Variants in CARS1 observed in about 807,000 individuals in gnomAD.
CARS1 encodes cysteine--tRNA ligase, cytoplasmic.
CARS1 carries 48 observed loss-of-function variants against 106.2 expected under a neutral mutation model. That is an observed-to-expected ratio of 0.45 (90% CI 0.36 to 0.57). The LOEUF (loss-of-function observed/expected upper bound fraction) is 0.57, where lower values mean the gene tolerates loss of function less well. CARS1 is among the 20% of genes least tolerant of loss of function. CARS1 has a pLI of 0.00. For missense variants in CARS1, 968 were observed against 1,057.2 expected (o/e 0.92, Z 1.17); for synonymous variants, 409 against 403.4 (o/e 1.01, Z -0.17).
intron 1 of CARS1, among the ~76,000 whole-genome samples, chr11:3,051,889 A>G (rs1855728301): frequency 6.6e-6 from 1 of 152,226 alleles, no homozygotes; most frequent in Non-Finnish European, 1.5e-5. Flanking sequence ...GCACCCTGAG[A>G]AACAGTGACA....
chr11:3,036,311 C>G (rs1410406842), intron 7 of CARS1, among the ~76,000 whole-genome samples: 2 of 152,214 alleles, frequency 1.3e-5, no homozygotes, highest in Non-Finnish European at 2.9e-5. Context: ...GTGTTGGGAA[C>G]CCCCGACAGT....
At chr11:3,007,199 G>T in intron 18 of CARS1, 1 of 572,074 alleles carries the variant, frequency 1.7e-6, no homozygotes, top group East Asian at 2.9e-5. Flanking sequence ...GTAAGCCCAG[G>T]GGCTGTTCTG....
At chr11:3,005,994 C>G (rs1849824288) in intron 19 of CARS1, among the ~76,000 whole-genome samples, 1 of 152,074 alleles carries the variant, frequency 6.6e-6, no homozygotes, top group Non-Finnish European at 1.5e-5. Context: ...TTTAAAATTA[C>G]CAGGGGCAGA....
At chr11:3,007,035 G>A (rs193197464) in intron 18 of CARS1, 76 bp from the exon 19 acceptor site, 3 of 1,199,290 alleles carry the variant, frequency 2.5e-6, no homozygotes, top group Non-Finnish European at 3.7e-6. Context: ...CTCCAGTGCT[G>A]GGGAAGGAGG....
At position 3,004,966 on chromosome 11, in the gene CARS1, G is replaced by C. The variant is rs942217632; in HGVS notation, c.2217+400C>G. ...ACTAAAAAAATACAAAAATTAGCTG[G>C]GCACAGTGGTGCGTGCCTGTAGTCC... On this transcript the variant is annotated intron_variant, in intron 20 of 22. Transcript: ENST00000380525. The surrounding 1 kb of genome is among the most constrained non-coding windows in gnomAD (Gnocchi z 5.2). Among the ~76,000 whole-genome samples, 3 of 152,004 alleles carry C rather than the reference G, an allele frequency of 2.0e-5. No homozygotes were observed. Among genetic ancestry groups the C allele is most frequent in the Non-Finnish European group, 4.4e-5 (3 of 67,998 alleles).
At chr11:3,056,542 G>C (rs1856217885) in intron 1 of CARS1, among the ~76,000 whole-genome samples, 1 of 152,140 alleles carries the variant, frequency 6.6e-6, no homozygotes, top group Non-Finnish European at 1.5e-5. Context: ...ATAAAATGGG[G>C]CAGTAATGCT....
intron 13 of CARS1, 35 bp from the exon 14 acceptor site, chr11:3,018,546 T>A: frequency 1.9e-6 from 3 of 1,612,960 alleles, no homozygotes; most frequent in Non-Finnish European, 2.5e-6. Context: ...ACGCCCTTAT[T>A]CTCCCGAGTG....
intron 1 of CARS1, among the ~76,000 whole-genome samples, chr11:3,049,760 CCT>C (rs1855469828): frequency 6.6e-6 from 1 of 152,230 alleles, no homozygotes; most frequent in Non-Finnish European, 1.5e-5. Flanking sequence ...TCACAGTCCC[CCT>C]CTCTGCCTTC....
intron 17 of CARS1, among the ~76,000 whole-genome samples, chr11:3,014,734 G>A (rs1037796916): frequency 7.9e-5 from 12 of 152,178 alleles, no homozygotes; most frequent in Non-Finnish European, 1.5e-4. Context: ...GCTAGCTAGC[G>A]CTAAGGCTGG....
chr11:3,019,261 G>A lies in CARS1; in HGVS notation c.1273C>T (p.Pro425Ser). Residue 425 changes from proline to serine, a missense_variant, in exon 12 of 23, where the codon CCG becomes TCG. Pro to Ser is a moderately conservative substitution (Grantham distance 74, BLOSUM62 -1). Coordinates refer to ENST00000380525, the MANE Select transcript of CARS1 (RefSeq NM_001014437.3). This position sits in a 1 kb window ranked among gnomAD's most constrained non-coding sequence, Gnocchi z 6.2. Reference sequence around the variant, plus strand: ...GCCGAGCACTCGATATGCCAGCCCGGACGACCCTGGAGAAAGCCGAACACA... The same window carrying A: ...GCCGAGCACTCGATATGCCAGCCCGAACGACCCTGGAGAAAGCCGAACACA... ...SWPCPWGKGR[P>S]GWHIECSAMA... 1 of 1,434,978 alleles carries A rather than the reference G, an allele frequency of 7.0e-7. No homozygotes were observed. The highest frequency in any genetic ancestry group is 2.6e-5 in the East Asian group (1 of 38,492). 88.9% of individuals were successfully genotyped at this position (1,434,978 alleles called of 1,614,324 possible).
chr11:3,040,020 T>C lies in CARS1; in HGVS notation c.456-89A>G. 3.0e-6 allele frequency: 2 copies of C among 660,746 alleles called. No homozygotes were observed. The highest frequency in any genetic ancestry group is 5.2e-6 in the Non-Finnish European group (2 of 385,962). The allele number at this position is 660,746 out of a possible 1,614,324, so 40.9% of individuals were successfully genotyped here. On this transcript the variant is annotated intron_variant, in intron 4 of 22. Coordinates refer to ENST00000380525, the MANE Select transcript of CARS1 (RefSeq NM_001014437.3). This position sits in a 1 kb window ranked among gnomAD's most constrained non-coding sequence, Gnocchi z 5.8. The stretch of plus-strand genomic sequence containing the variant: ...CACGTGTTTGAACTGCATGAGTGCA[T>C]TTATATATGATTTTCTCTGCCATCC...
chr11:3,027,597 T>G (rs370062941), intron 9 of CARS1: 28 of 185,362 alleles, frequency 1.5e-4, no homozygotes, highest in African/African-American at 5.7e-4. Flanking sequence ...TTGTAGCAAT[T>G]ACTCTTTATT....
Position 3,051,977 on chromosome 11 carries a change from C to G in CARS1, c.26-3976G>C, listed in dbSNP as rs1855738102. ...CTCAGAATGGATTCTGATGGAGAGA[C>G]CACCAGCAACAGCCCGAACACTGAC... On this transcript the variant is annotated intron_variant, in intron 1 of 22. Coordinates refer to ENST00000380525, the MANE Select transcript of CARS1 (RefSeq NM_001014437.3). 2.6e-5 allele frequency among the ~76,000 whole-genome samples: 4 copies of G among 152,238 alleles called. No homozygotes were observed. The South Asian group carries it at 6.2e-4, about 24-fold the overall frequency.
In CARS1 at chr11:3,004,155, G is replaced by C. The variant is rs1849642437; in HGVS notation, c.2217+1211C>G. Among the ~76,000 whole-genome samples, 1 of 152,200 alleles carries C rather than the reference G, an allele frequency of 6.6e-6. No individual in the cohort carries two copies. Among genetic ancestry groups the C allele is most frequent in the African/African-American group, 2.4e-5 (1 of 41,442 alleles). ...TGATGGAATGGGGAGGGGCCCTGAT[G>C]AGGCAGTCACACCAGCCAACCTCAC... On this transcript the variant is annotated intron_variant, in intron 20 of 22. Transcript: ENST00000380525. The surrounding 1 kb of genome is among the most constrained non-coding windows in gnomAD (Gnocchi z 5.2).
Position 3,002,028 on chromosome 11 carries a change from A to G in CARS1, c.2303T>C (p.Ile768Thr), listed in dbSNP as rs765234894. 43 of 1,613,658 alleles carry G rather than the reference A, an allele frequency of 2.7e-5. No individual in the cohort carries two copies. Among genetic ancestry groups the G allele is most frequent in the South Asian group, 3.3e-5 (3 of 91,086 alleles). The change falls in exon 22 of 23, where the codon ATT becomes ACT. Residue 768 changes from isoleucine (I) to threonine (T), a missense_variant. Transcript: ENST00000380525. ...TGACAAGAACATCTCACTGGGGGGA[A>G]TCTTCATCTTGGCCAGCTTTGCTGC... ...QEAAKLAKMK[I>T]PPSEMFLSET...
chr11:3,042,047 G>A (rs2134264344), intron 3 of CARS1, 118 bp downstream of exon 3: 1 of 677,910 alleles, frequency 1.5e-6, no homozygotes, highest in South Asian at 1.9e-5. Context: ...TGGATTTATG[G>A]AACTCCAGAT....
chr11:3,057,026 G>A (rs1472132750), intron 1 of CARS1, among the ~76,000 whole-genome samples: 3 of 152,048 alleles, frequency 2.0e-5, no homozygotes, highest in African/African-American at 7.2e-5. Context: ...CCGGGCACCC[G>A]TTGTCCTTCG....
rs187353444 is a variant in CARS1 at position 3,045,073 on chromosome 11, G to A, written c.274+2680C>T. On this transcript the variant is annotated intron_variant, in intron 2 of 22. Coordinates refer to ENST00000380525, the MANE Select transcript of CARS1 (RefSeq NM_001014437.3). The surrounding 1 kb of genome is among the most constrained non-coding windows in gnomAD (Gnocchi z 5.6). ...GGGTATAGCTGACACTCCTTCCCGG[G>A]GGGTAGGGAGAGGCCGGCGGGCTGG... Among the ~76,000 whole-genome samples, 1 of 152,026 alleles carries A rather than the reference G, an allele frequency of 6.6e-6. No individual in the cohort carries two copies. Among genetic ancestry groups the A allele is most frequent in the African/African-American group, 2.4e-5 (1 of 41,418 alleles).
At position 3,026,740 on chromosome 11, in the gene CARS1, C is replaced by T; in HGVS notation, c.1089G>A (p.Lys363=). The T allele has an allele frequency of 6.2e-7, 1 of 1,613,934 alleles. No homozygotes were observed. The highest frequency in any genetic ancestry group is 8.5e-7 in the Non-Finnish European group (1 of 1,179,940). Reference sequence around the variant, plus strand: ...CAGGCACCAGCTTCCCATAGGAGTGCTTCTCGCTAGAAGCAAACTTCGCTG... The same window carrying T: ...CAGGCACCAGCTTCCCATAGGAGTGTTTCTCGCTAGAAGCAAACTTCGCTG... ...FDTAKFASSE[K]HSYGKLVPEA... is the part of the protein sequence containing the mutation. The change falls in exon 10 of 23, where the codon AAG becomes AAA. Residue 363 remains lysine, a synonymous_variant. Transcript: ENST00000380525.
Sources: gnomAD v4.1 joint callset for allele counts (sites outside exome capture counted in the v4.1 genomes callset) on GRCh38, gnomAD v4.1.1 for gene constraint, Gnocchi (gnomAD v3.1) non-coding constraint, MANE v1.5 for transcripts, NCBI Gene and HGNC (gene_info 2026-07-23, HGNC 2026-07-21) for gene names.